The following LUZP2 variants were observed in gnomAD, a reference collection of about 807,000 sequenced individuals.
LUZP2 encodes the protein leucine zipper protein 2.
In LUZP2, 52 loss-of-function variants were observed where a neutral mutation model predicts 51.6. That is an observed-to-expected ratio of 1.01 (90% CI 0.81 to 1.27). The LOEUF (loss-of-function observed/expected upper bound fraction) is 1.27, where lower values mean the gene tolerates loss of function less well. LUZP2 is among the 50% of genes most tolerant of loss of function. The probability of loss-of-function intolerance (pLI) is 0.00; values close to 1 mark genes in which losing one functional copy is unlikely to be tolerated. For missense variants in LUZP2, 436 were observed against 395.4 expected (o/e 1.10, Z -0.87); for synonymous variants, 154 against 137.3 (o/e 1.12, Z -0.85).
intron 1 of LUZP2, among the ~76,000 whole-genome samples, chr11:24,652,138 A>T (rs1035848607): frequency 6.6e-6 from 1 of 151,586 alleles, no homozygotes; most frequent in East Asian, 1.9e-4. Flanking sequence ...GCGTATGTGT[A>T]TCTCCTGTTG....
intron 7 of LUZP2, among the ~76,000 whole-genome samples, chr11:24,956,321 C>T (rs1855208054): frequency 6.6e-6 from 1 of 151,966 alleles, no homozygotes; most frequent in Non-Finnish European, 1.5e-5. Flanking sequence ...CTGGAACCTG[C>T]AGAAGGAACC....
intron 9 of LUZP2, among the ~76,000 whole-genome samples, chr11:24,988,351 AT>A (rs1490975598): frequency 1.3e-5 from 2 of 151,784 alleles, no homozygotes; most frequent in African/African-American, 2.4e-5. Flanking sequence ...AGAAGGTAAA[AT>A]TTTTTTTCAG....
chr11:24,785,902 C>G (rs1309308381), intron 5 of LUZP2: 1 of 985,164 alleles, frequency 1.0e-6, no homozygotes, highest in Non-Finnish European at 1.2e-6. Flanking sequence ...AAATTGGCAG[C>G]AGTTATAACT....
intron 9 of LUZP2, among the ~76,000 whole-genome samples, chr11:25,026,503 A>T (rs1857496253): frequency 6.6e-6 from 1 of 151,348 alleles, no homozygotes; most frequent in African/African-American, 2.4e-5. Context: ...AATGTAGGTT[A>T]AAAGAACTTA....
At chr11:24,634,338 T>C (rs974768246) in intron 1 of LUZP2, among the ~76,000 whole-genome samples, 2 of 152,058 alleles carry the variant, frequency 1.3e-5, no homozygotes, top group African/African-American at 4.8e-5. Flanking sequence ...ACAAACATTA[T>C]GGTAGAGGTC....
chr11:24,633,278 G>T (rs1454495635), intron 1 of LUZP2, among the ~76,000 whole-genome samples: 2 of 151,954 alleles, frequency 1.3e-5, no homozygotes, highest in African/African-American at 4.8e-5. Flanking sequence ...ATGCTTTCAA[G>T]TATTTAAAAA....
chr11:25,060,501 C>T (rs1450871151), intron 10 of LUZP2, among the ~76,000 whole-genome samples: 3 of 152,198 alleles, frequency 2.0e-5, no homozygotes, highest in African/African-American at 7.2e-5. Flanking sequence ...CATAAATATT[C>T]AGATAGCAGC....
intron 1 of LUZP2, among the ~76,000 whole-genome samples, chr11:24,636,008 A>G (rs12290484): frequency 0.19 from 29,041 of 152,070 alleles, 2,915 homozygotes; most frequent in Middle Eastern, 0.28. Context: ...ACTGGGTGGC[A>G]ATCTACTCTG....
chr11:24,882,657 C>G (rs959334874), intron 5 of LUZP2, among the ~76,000 whole-genome samples: 9 of 151,572 alleles, frequency 5.9e-5, no homozygotes, highest in Non-Finnish European at 1.3e-4. Flanking sequence ...AAATGTTGTA[C>G]AGTTAGATTA....
intron 9 of LUZP2, among the ~76,000 whole-genome samples, chr11:25,038,270 G>T (rs1857926926): frequency 6.6e-6 from 1 of 152,006 alleles, no homozygotes; most frequent in African/African-American, 2.4e-5. Context: ...AGAGCTTTGA[G>T]ATTCTTTCCT....
intron 7 of LUZP2, among the ~76,000 whole-genome samples, chr11:24,965,864 T>G (rs1364352072): frequency 6.6e-6 from 1 of 151,758 alleles, no homozygotes; most frequent in Non-Finnish European, 1.5e-5. Context: ...GAATCATAAA[T>G]TCCTTTAGAT....
intron 5 of LUZP2, among the ~76,000 whole-genome samples, chr11:24,884,420 G>A (rs990677268): frequency 2.0e-5 from 3 of 151,980 alleles, no homozygotes; most frequent in Admixed American, 6.6e-5. Context: ...TAAACACTCC[G>A]TAAATGCTAG....
intron 7 of LUZP2, among the ~76,000 whole-genome samples, chr11:24,955,994 A>G (rs918075326): frequency 1.3e-5 from 2 of 152,000 alleles, no homozygotes; most frequent in African/African-American, 4.8e-5. Context: ...AATGCACAAA[A>G]CTCAATGAGA....
At chr11:24,887,553 T>G (rs1016639186) in intron 5 of LUZP2, among the ~76,000 whole-genome samples, 1 of 152,190 alleles carries the variant, frequency 6.6e-6, no homozygotes, top group African/African-American at 2.4e-5. Context: ...CTGTAAGTTA[T>G]TATCTCTGGC....
intron 9 of LUZP2, among the ~76,000 whole-genome samples, chr11:25,031,818 C>A (rs563814704): frequency 3.0e-4 from 45 of 151,758 alleles, no homozygotes; most frequent in Non-Finnish European, 5.1e-4. Context: ...TTTTTAAATC[C>A]CTTATTATTT....
In LUZP2 at chr11:25,080,471, C is replaced by T. The variant is rs928876520; in HGVS notation, c.*1813C>T. On this transcript the variant is annotated 3_prime_UTR_variant, in exon 12 of 12. Coordinates refer to ENST00000336930, the MANE Select transcript of LUZP2 (RefSeq NM_001009909.4). The stretch of plus-strand genomic sequence containing the variant: ...GGAGCATTCATATTTTTCATAAAAC[C>T]GGCTACCCAAGGAAAAAAATAATTA... 5 of 131,826 alleles carry T rather than the reference C, an allele frequency of 3.8e-5. No individual in the cohort carries two copies. The highest frequency in any genetic ancestry group is 5.1e-5 in the African/African-American group (2 of 39,524). The allele number at this position is 131,826 out of a possible 1,614,324, so 8.2% of individuals were successfully genotyped here. A position where few individuals can be genotyped will look rare whatever the true frequency, so the allele number is the denominator to read the frequency against.
Position 24,925,172 on chromosome 11 carries a change from T to C in LUZP2, c.522+10634T>C, listed in dbSNP as rs1384951382. Reference sequence around the variant, plus strand: ...CTATTTATCATGTTGGTATCTCTTATTGCTACAAAGAGTCTGCTTTGCCAG... The same window carrying C: ...CTATTTATCATGTTGGTATCTCTTACTGCTACAAAGAGTCTGCTTTGCCAG... On this transcript the variant is annotated intron_variant, in intron 7 of 11. Transcript: ENST00000336930. 2.6e-5 allele frequency among the ~76,000 whole-genome samples: 4 copies of C among 152,236 alleles called. No homozygotes were observed. The East Asian group carries it at 5.8e-4, about 22-fold the overall frequency.
intron 5 of LUZP2, among the ~76,000 whole-genome samples, chr11:24,775,345 A>C (rs1315820938): frequency 6.7e-6 from 1 of 150,254 alleles, no homozygotes; most frequent in East Asian, 1.9e-4. Context: ...ATCCAATTTC[A>C]GGCCAGCTTA....
At chr11:24,544,914 C>T (rs760939848) in intron 1 of LUZP2, among the ~76,000 whole-genome samples, 4 of 152,102 alleles carry the variant, frequency 2.6e-5, no homozygotes, top group East Asian at 1.9e-4. Context: ...ACAGTGTATA[C>T]GCATCCCTTT....
Sources: gnomAD v4.1 joint callset for allele counts (sites outside exome capture counted in the v4.1 genomes callset) on GRCh38, gnomAD v4.1.1 for gene constraint, MANE v1.5 for transcripts, NCBI Gene and HGNC (gene_info 2026-07-23, HGNC 2026-07-21) for gene names.